The following CWF19L2 variants were observed in gnomAD, a reference collection of about 807,000 sequenced individuals.
CWF19L2 encodes CWF19 like cell cycle control factor 2.
A neutral mutation model predicts 111.7 loss-of-function variants in CWF19L2; 98 were observed. The ratio of observed to expected loss-of-function variants is 0.88; its 90% CI spans 0.75 to 1.04. The LOEUF (loss-of-function observed/expected upper bound fraction) is 1.04. CWF19L2 is among the 50% of genes least tolerant of loss of function. The pLI is 0.00. For synonymous variants in CWF19L2, 351 were observed against 342.9 expected (o/e 1.02, Z -0.26); for missense variants, 1,101 against 1,051.4 (o/e 1.05, Z -0.65).
At chr11:107,404,617 C>T (rs2135387929) in intron 10 of CWF19L2, 3 of 554,470 alleles carry the variant, frequency 5.4e-6, no homozygotes, top group South Asian at 3.5e-5. Flanking sequence ...GCTCTGGCTT[C>T]GCTTCCCTTT....
chr11:107,442,747 G>A (rs1407341981), intron 4 of CWF19L2, among the ~76,000 whole-genome samples, 192 bp downstream of exon 4: 1 of 22,134 alleles, frequency 4.5e-5, no homozygotes, highest in Non-Finnish European at 9.2e-5. Flanking sequence ...AGGAAGGAAG[G>A]AAGGAAGGAA....
rs1229455899 is a variant in CWF19L2, at chr11:107,336,581, C to G, written c.2335G>C (p.Asp779His). 1 of 1,603,244 alleles carries G rather than the reference C, an allele frequency of 6.2e-7. No individual in the cohort carries two copies. The highest frequency in any genetic ancestry group is 1.3e-5 in the African/African-American group (1 of 74,246). The change falls in exon 15 of 18, where the codon GAC becomes CAC. Residue 779 changes from aspartate (D) to histidine (H), a missense_variant. Asp to His is a moderately conservative substitution (Grantham distance 81). Transcript: ENST00000282251. Reference protein sequence around the residue: ...ECIPLPKEVGDMAPIYFKKAI... With the variant: ...ECIPLPKEVGHMAPIYFKKAI... ...ACCTTAAAATAGATGGGAGCCATGT[C>G]ACCCACTTCCTTGGGAAGAGGAATA...
chr11:107,437,878 C>T (rs748842153), intron 6 of CWF19L2, among the ~76,000 whole-genome samples: 1 of 152,140 alleles, frequency 6.6e-6, no homozygotes, highest in African/African-American at 2.4e-5. Context: ...AACAGCCCTA[C>T]ATAGTAATAG....
intron 3 of CWF19L2, among the ~76,000 whole-genome samples, chr11:107,445,099 G>A (rs1565288494): frequency 6.6e-6 from 1 of 152,078 alleles, no homozygotes; most frequent in South Asian, 2.1e-4. Flanking sequence ...TAGAACTCAG[G>A]GTAGGGGAAA....
rs191327804 is a variant in CWF19L2 at position 107,434,724 on chromosome 11, A to T, written c.665-975T>A. On this transcript the variant is annotated intron_variant, in intron 6 of 17. Coordinates refer to ENST00000282251, the MANE Select transcript of CWF19L2 (RefSeq NM_152434.3). ...ACAACTATATACAACAATATGGATG[A>T]ATCTCAAAATGTGGGCAAAAGGAGC... is the stretch of plus-strand genomic sequence containing the variant. 2.1e-3 allele frequency among the ~76,000 whole-genome samples: 319 copies of T among 151,702 alleles called. 2 individuals carry two copies. Among genetic ancestry groups the T allele is most frequent in the Non-Finnish European group, 3.9e-3 (266 of 67,884 alleles).
chr11:107,353,669 C>A lies in CWF19L2; in HGVS notation c.1940G>T (p.Arg647Ile). The A allele has an allele frequency of 6.2e-7, 1 of 1,613,796 alleles. No homozygotes were observed. The highest frequency in any genetic ancestry group is 8.5e-7 in the Non-Finnish European group (1 of 1,179,748). ...CTCTTCCTCTTCACCAAGACGTTCT[C>A]TCTCAGCTGCTTTGGAGACAAACAT... ...DDMFVSKAAE[R>I]ERLGEEEENQ... Residue 647 changes from arginine to isoleucine, a missense_variant, in exon 13 of 18, where the codon AGA (arginine) becomes ATA (isoleucine). Arg to Ile is a moderately conservative substitution (Grantham distance 97). Transcript: ENST00000282251.
chr11:107,360,659 A>G (rs1247784528), intron 12 of CWF19L2, among the ~76,000 whole-genome samples: 2 of 152,160 alleles, frequency 1.3e-5, no homozygotes, highest in Non-Finnish European at 2.9e-5. Context: ...TAGTTTTTTA[A>G]ATTTTTAATA....
In CWF19L2 at chr11:107,443,125, T is replaced by C. The variant is rs1329686962; in HGVS notation, c.340-76A>G. On this transcript the variant is annotated intron_variant, in intron 3 of 17. Transcript: ENST00000282251. ...ATAAAAATTCTGTGCTGTTAAGTGG[T>C]AGAAATTCAACATCGTAGAAAAAAA... 1.6e-5 allele frequency: 16 copies of C among 989,634 alleles called. No homozygotes were observed. The Admixed American group carries it at 2.2e-4, about 14-fold the overall frequency. The allele number at this position is 989,634 out of a possible 1,614,324, so 61.3% of individuals were successfully genotyped here.
chr11:107,410,410 A>C (rs1241513697), intron 10 of CWF19L2, among the ~76,000 whole-genome samples: 1 of 152,194 alleles, frequency 6.6e-6, no homozygotes, highest in Non-Finnish European at 1.5e-5. Flanking sequence ...TACTTAGTAA[A>C]GCTTGAACCA....
chr11:107,361,187 C>G (rs922047398), intron 12 of CWF19L2, among the ~76,000 whole-genome samples: 3 of 152,184 alleles, frequency 2.0e-5, no homozygotes, highest in Non-Finnish European at 4.4e-5. Context: ...ACCAATTTTC[C>G]CAGCACCATT....
At chr11:107,436,822 C>G (rs535431473) in intron 6 of CWF19L2, among the ~76,000 whole-genome samples, 15 of 152,188 alleles carry the variant, frequency 9.9e-5, no homozygotes, top group Non-Finnish European at 1.6e-4. Flanking sequence ...ACACGACTAC[C>G]AGAAAAATTA....
rs148855834 is a variant in CWF19L2 at position 107,326,981 on chromosome 11, G to A, written c.2614C>T (p.Gln872Ter). The A allele has an allele frequency of 6.2e-7, 1 of 1,611,750 alleles. No individual in the cohort carries two copies. Among genetic ancestry groups the A allele is most frequent in the East Asian group, 2.2e-5 (1 of 44,708 alleles). The change falls in exon 18 of 18, where the codon CAG becomes TAG. Residue 872 changes from glutamine to a stop codon, truncating the protein, a stop_gained. Transcript: ENST00000282251. LOFTEE classifies it high-confidence loss of function. ...GCAAACTGCAGTGCTTTTTTCCTCT[G>A]ATCCTCAAAGCTTTCTCGGATGCCT... ...RKGIRESFEDQRKKALQFAQW... is the reference protein window; with the variant it reads ...RKGIRESFED
chr11:107,436,062 G>A lies in CWF19L2; in HGVS notation c.665-2313C>T, dbSNP rs192744917. Among the ~76,000 whole-genome samples the A allele has an allele frequency of 9.0e-3, 1,370 of 151,676 alleles. 19 individuals carry two copies. The highest frequency in any genetic ancestry group is 0.031 in the African/African-American group (1,294 of 41,332). On this transcript the variant is annotated intron_variant, in intron 6 of 17. Transcript: ENST00000282251. Reference sequence around the variant, plus strand: ...CCAGCTACTCGGGAGGCTGAGGCAGGAGAATCGCTTGAACCCAGGAGGCAG... The same window carrying A: ...CCAGCTACTCGGGAGGCTGAGGCAGAAGAATCGCTTGAACCCAGGAGGCAG...
intron 14 of CWF19L2, among the ~76,000 whole-genome samples, chr11:107,340,900 T>C (rs1286443405): frequency 6.6e-6 from 1 of 152,224 alleles, no homozygotes; most frequent in Admixed American, 6.5e-5. Context: ...TGGACACGTT[T>C]TGTTAGATTT....
At chr11:107,333,325 T>C (rs980720190) in intron 16 of CWF19L2, among the ~76,000 whole-genome samples, 3 of 152,178 alleles carry the variant, frequency 2.0e-5, no homozygotes, top group Non-Finnish European at 4.4e-5. Context: ...TTAATTCAGG[T>C]ACTCATGGAG....
chr11:107,429,068 T>A lies in CWF19L2; in HGVS notation c.1164A>T (p.Pro388=), dbSNP rs751203559. 4.3e-6 allele frequency: 7 copies of A among 1,613,822 alleles called. No individual in the cohort carries two copies. Among genetic ancestry groups the A allele is most frequent in the Non-Finnish European group, 5.9e-6 (7 of 1,179,808 alleles). ...CTACCAATGCTGAAGATGAACTAAGTGGTTCAAATTTTCTGCCCTTGCTGT... is the reference window on the plus strand; with the variant it reads ...CTACCAATGCTGAAGATGAACTAAGAGGTTCAAATTTTCTGCCCTTGCTGT... ...SFHSKGRKFE[P]LSSSSALVAQ... is the part of the protein sequence containing the mutation. Residue 388 remains proline, a synonymous_variant, in exon 8 of 18, where the codon CCA becomes CCT. Transcript: ENST00000282251.
intron 10 of CWF19L2, among the ~76,000 whole-genome samples, chr11:107,414,420 A>T (rs6421541): frequency 0.55 from 83,224 of 151,906 alleles, 23,725 homozygotes; most frequent in African/African-American, 0.72. Flanking sequence ...TCAACTTCTA[A>T]CTACATTTAT....
intron 12 of CWF19L2, among the ~76,000 whole-genome samples, chr11:107,388,538 A>C (rs2134592461): frequency 6.6e-6 from 1 of 152,216 alleles, no homozygotes; most frequent in South Asian, 2.1e-4. Flanking sequence ...GCGTGCCACC[A>C]TGCCTGGCTA....
chr11:107,395,106 C>T (rs546185618), intron 10 of CWF19L2, among the ~76,000 whole-genome samples: 7 of 152,298 alleles, frequency 4.6e-5, no homozygotes, highest in East Asian at 1.9e-4. Context: ...ATAATTTCCA[C>T]GTGTTGTAGG....
Sources: allele counts gnomAD v4.1 joint callset (sites outside exome capture counted in the v4.1 genomes callset), GRCh38; gene constraint gnomAD v4.1.1; transcripts MANE v1.5; gene names NCBI Gene and HGNC (gene_info 2026-07-23, HGNC 2026-07-21).